CADM2: variants seen among roughly 807,000 people sequenced by gnomAD.
CADM2 encodes immunoglobulin superfamily member 4D.
In CADM2, 12 loss-of-function variants were observed where a neutral mutation model predicts 49.8. That is an observed-to-expected ratio of 0.24 (90% CI 0.15 to 0.39). CADM2 has a LOEUF of 0.39. Among genes scored for constraint, CADM2 ranks in the 10% least tolerant of loss-of-function variants. The pLI, the probability that CADM2 is intolerant of heterozygous loss-of-function variation, is 1.00. For synonymous variants in CADM2, 214 were observed against 175.4 expected, an observed-to-expected ratio of 1.22 and a Z score of -1.74; for missense variants, 378 against 492.3, an observed-to-expected ratio of 0.77 and a Z score of 2.20.
At position 85,080,947 on chromosome 3, in the gene CADM2, G is replaced by A. The variant is rs114183099; in HGVS notation, c.61+121279G>A. On this transcript the variant is annotated intron_variant, in intron 1 of 9. Coordinates refer to ENST00000383699, the MANE Select transcript of CADM2 (RefSeq NM_001167675.2). ...ACTGTACATTACATATATAGGTCAG[G>A]GAAATTAGAAATATTTCCAAAATAA... Among the ~76,000 whole-genome samples the A allele has an allele frequency of 5.7e-4, 86 of 151,708 alleles. 1 individual carries two copies. The highest frequency in any genetic ancestry group is 1.5e-3 in the South Asian group (7 of 4,808).
At chr3:85,595,293 A>G (rs2063212387) in intron 1 of CADM2, among the ~76,000 whole-genome samples, 1 of 151,962 alleles carries the variant, frequency 6.6e-6, no homozygotes. Flanking sequence ...ATTATTTAGT[A>G]CAGTAGAATA....
chr3:85,440,645 G>T (rs1448406218), intron 1 of CADM2, among the ~76,000 whole-genome samples: 1 of 152,058 alleles, frequency 6.6e-6, no homozygotes, highest in African/African-American at 2.4e-5. Context: ...TTGCTTATGG[G>T]GGAAAAGGAA....
chr3:85,149,099 C>CT (rs371117754), intron 1 of CADM2, among the ~76,000 whole-genome samples: 11,050 of 147,964 alleles, frequency 0.075, 1,341 homozygotes, highest in African/African-American at 0.25. Flanking sequence ...ATGGTTAGTG[C>CT]TTTTTTTTTT....
At chr3:85,849,530 T>A (rs2075011261) in intron 3 of CADM2, among the ~76,000 whole-genome samples, 1 of 152,206 alleles carries the variant, frequency 6.6e-6, no homozygotes, top group Non-Finnish European at 1.5e-5. Context: ...AAGTCACGCC[T>A]AATTTAACAT....
intron 7 of CADM2, among the ~76,000 whole-genome samples, chr3:85,957,383 T>C (rs1053383340): frequency 1.4e-4 from 21 of 151,800 alleles, no homozygotes; most frequent in Admixed American, 1.3e-4. Context: ...CATATAATGC[T>C]CTTTCAGAAT....
intron 2 of CADM2, among the ~76,000 whole-genome samples, chr3:85,749,573 G>A (rs1006792628): frequency 4.0e-5 from 6 of 150,248 alleles, no homozygotes; most frequent in African/African-American, 1.5e-4. Flanking sequence ...GGAACATTTT[G>A]TGGTATAAAT....
chr3:85,194,577 A>T (rs1188004611), intron 1 of CADM2, among the ~76,000 whole-genome samples: 1 of 152,076 alleles, frequency 6.6e-6, no homozygotes, highest in Non-Finnish European at 1.5e-5. Flanking sequence ...TGAATGAAGG[A>T]AAGACGTGAA....
intron 1 of CADM2, among the ~76,000 whole-genome samples, chr3:85,245,706 C>A (rs2042632207): frequency 6.6e-6 from 1 of 152,056 alleles, no homozygotes; most frequent in African/African-American, 2.4e-5. Context: ...CTTATTTCTA[C>A]CTTCCCTTCT....
intron 1 of CADM2, among the ~76,000 whole-genome samples, chr3:85,638,418 A>C (rs1292084166): frequency 3.3e-5 from 5 of 152,146 alleles, no homozygotes; most frequent in Non-Finnish European, 7.4e-5. Flanking sequence ...ATATTGAAAA[A>C]ATATTTTCAA....
intron 1 of CADM2, among the ~76,000 whole-genome samples, chr3:85,206,301 TTTTTC>T (rs1457118926): frequency 2.0e-5 from 3 of 151,284 alleles, no homozygotes; most frequent in East Asian, 2.0e-4. Flanking sequence ...GGTCTTTTTT[TTTTTC>T]TTTTCTTTTT....
chr3:85,893,134 T>C (rs186517181), intron 5 of CADM2, among the ~76,000 whole-genome samples: 3 of 152,256 alleles, frequency 2.0e-5, no homozygotes, highest in African/African-American at 4.8e-5. Context: ...TTAGAGTATA[T>C]GGCAGAAGAA....
chr3:85,310,322 T>A (rs1242747556), intron 1 of CADM2, among the ~76,000 whole-genome samples: 3 of 152,166 alleles, frequency 2.0e-5, no homozygotes, highest in African/African-American at 7.2e-5. Flanking sequence ...CAGGATTTCA[T>A]AGTTTCTATC....
intron 1 of CADM2, among the ~76,000 whole-genome samples, chr3:84,995,898 G>T (rs962897785): frequency 6.6e-6 from 1 of 152,098 alleles, no homozygotes; most frequent in Non-Finnish European, 1.5e-5. Context: ...TGATATTTTT[G>T]TATTTGTCCT....
At chr3:86,062,567 C>G (rs1444479096) in intron 8 of CADM2, among the ~76,000 whole-genome samples, 1 of 151,708 alleles carries the variant, frequency 6.6e-6, no homozygotes, top group African/African-American at 2.4e-5. Flanking sequence ...TTCTTGAGGT[C>G]GGGAATTCGA....
intron 1 of CADM2, among the ~76,000 whole-genome samples, chr3:84,981,478 G>A (rs1435759276): frequency 2.0e-5 from 3 of 152,048 alleles, no homozygotes; most frequent in Non-Finnish European, 4.4e-5. Context: ...GGAGAGAGAA[G>A]TGGCCATAAA....
intron 1 of CADM2, among the ~76,000 whole-genome samples, chr3:85,687,859 C>T (rs1454285564): frequency 2.0e-5 from 3 of 152,194 alleles, no homozygotes; most frequent in Non-Finnish European, 4.4e-5. Context: ...CCAGGCTGTA[C>T]AGCAGGAGGT....
At chr3:86,026,558 G>A (rs1733930648) in intron 8 of CADM2, among the ~76,000 whole-genome samples, 1 of 152,028 alleles carries the variant, frequency 6.6e-6, no homozygotes. Context: ...TCAATTTACT[G>A]GTCATACTAT....
chr3:85,067,113 C>T (rs1378554957), intron 1 of CADM2, among the ~76,000 whole-genome samples: 1 of 152,094 alleles, frequency 6.6e-6, no homozygotes, highest in Non-Finnish European at 1.5e-5. Context: ...TTGTACTCTA[C>T]TGGCTTATTG....
chr3:85,838,627 A>G (rs1254146201), intron 3 of CADM2, among the ~76,000 whole-genome samples: 2 of 151,784 alleles, frequency 1.3e-5, no homozygotes, highest in African/African-American at 4.8e-5. Context: ...TTGAAATTTT[A>G]AATAGTATTT....
Sources: allele counts gnomAD v4.1 joint callset (sites outside exome capture counted in the v4.1 genomes callset), GRCh38; gene constraint gnomAD v4.1.1; transcripts MANE v1.5; gene names NCBI Gene and HGNC (gene_info 2026-07-23, HGNC 2026-07-21).